AKAP19: variants seen among roughly 807,000 people sequenced by gnomAD.
The protein encoded by AKAP19 is small A-kinase anchoring protein.
chr2:190,114,783 A>G, the AKAP19 span, among the ~76,000 whole-genome samples: 3,166 of 152,152 alleles, frequency 0.021, 128 homozygotes, highest in African/African-American at 0.072. Context: ...GAGTAAATGT[A>G]TTTTCCTTCC....
chr2:189,903,055 T>A, the AKAP19 span, among the ~76,000 whole-genome samples: 2 of 151,958 alleles, frequency 1.3e-5, no homozygotes, highest in African/African-American at 4.8e-5. Flanking sequence ...TTTTTAAGTG[T>A]CTTCCCTATA....
chr2:189,996,040 T>C, the AKAP19 span, among the ~76,000 whole-genome samples: 1 of 152,214 alleles, frequency 6.6e-6, no homozygotes, highest in Admixed American at 6.5e-5. Context: ...CTTTCCTTCG[T>C]CTTGACTTTA....
the AKAP19 span, among the ~76,000 whole-genome samples, chr2:190,074,655 A>C: frequency 8.6e-5 from 13 of 151,724 alleles, no homozygotes; most frequent in African/African-American, 3.2e-4. Flanking sequence ...TTGTCTCAAA[A>C]AAAAAAAAGA....
the AKAP19 span, among the ~76,000 whole-genome samples, chr2:190,023,799 A>G: frequency 3.5e-3 from 75 of 21,198 alleles, 1 homozygote; most frequent in Middle Eastern, 0.028. Context: ...GTGTGTGTAT[A>G]TATATATATA....
chr2:190,126,505 C>G, the AKAP19 span, among the ~76,000 whole-genome samples: 1 of 151,814 alleles, frequency 6.6e-6, no homozygotes, highest in South Asian at 2.1e-4. Context: ...GATAAACCTA[C>G]AGAGTTTATT....
chr2:189,998,906 C>T, the AKAP19 span, among the ~76,000 whole-genome samples: 2 of 150,700 alleles, frequency 1.3e-5, no homozygotes, highest in Admixed American at 6.6e-5. Context: ...CAAGTAGCTG[C>T]GATTACAGGT....
chr2:190,191,742 T>TATA, the AKAP19 span, among the ~76,000 whole-genome samples: 1 of 152,232 alleles, frequency 6.6e-6, no homozygotes, highest in African/African-American at 2.4e-5. Context: ...TTCATGTACT[T>TATA]ATATTTGCTA....
the AKAP19 span, among the ~76,000 whole-genome samples, chr2:189,975,476 G>T: frequency 3.3e-5 from 5 of 151,994 alleles, no homozygotes; most frequent in African/African-American, 1.2e-4. Flanking sequence ...TGCTCTTCTC[G>T]AGGAGTATCT....
the AKAP19 span, among the ~76,000 whole-genome samples, chr2:190,047,386 T>C: frequency 6.6e-6 from 1 of 152,246 alleles, no homozygotes; most frequent in African/African-American, 2.4e-5. Flanking sequence ...CCTCTTTAAG[T>C]CGTTGTGAAC....
the AKAP19 span, among the ~76,000 whole-genome samples, chr2:190,075,685 A>G: frequency 6.6e-6 from 1 of 152,104 alleles, no homozygotes; most frequent in Non-Finnish European, 1.5e-5. Context: ...TTTATGTTGT[A>G]TCTTTTCCCA....
the AKAP19 span, among the ~76,000 whole-genome samples, chr2:190,084,716 G>A: frequency 6.6e-6 from 1 of 152,152 alleles, no homozygotes; most frequent in Non-Finnish European, 1.5e-5. Context: ...AAAACATACA[G>A]GAAGGGACAC....
the AKAP19 span, among the ~76,000 whole-genome samples, chr2:190,161,482 A>T: frequency 3.3e-4 from 50 of 152,090 alleles, 2 homozygotes; most frequent in Admixed American, 1.5e-3. Flanking sequence ...AAGTAAGTAG[A>T]CTCTAGGTAT....
chr2:190,159,258 T>C, the AKAP19 span, among the ~76,000 whole-genome samples: 1 of 152,202 alleles, frequency 6.6e-6, no homozygotes, highest in Non-Finnish European at 1.5e-5. Context: ...GTATTTGTTA[T>C]ATGGGCATGG....
chr2:189,975,057 T>A, the AKAP19 span, among the ~76,000 whole-genome samples: 1 of 152,354 alleles, frequency 6.6e-6, no homozygotes, highest in Non-Finnish European at 1.5e-5. Context: ...CGTTAGTAGA[T>A]GCAGTTTCTT....
chr2:190,177,123 T>G, the AKAP19 span, among the ~76,000 whole-genome samples: 1 of 152,146 alleles, frequency 6.6e-6, no homozygotes, highest in Non-Finnish European at 1.5e-5. The surrounding 1 kb of genome is among the most constrained non-coding windows in gnomAD (Gnocchi z 4.6). Flanking sequence ...CCCATAATGG[T>G]ATTTTTTTTC....
chr2:189,923,663 G>A, the AKAP19 span: 4 of 1,614,024 alleles, frequency 2.5e-6, no homozygotes, highest in South Asian at 4.4e-5. Flanking sequence ...CTCCTCTTTT[G>A]ACTTGGATTG....
At chr2:189,938,155 G>A in the AKAP19 span, among the ~76,000 whole-genome samples, 1 of 151,992 alleles carries the variant, frequency 6.6e-6, no homozygotes, top group African/African-American at 2.4e-5. Flanking sequence ...GGGCAACATG[G>A]TGAACCCCGT....
At chr2:189,975,881 C>T in the AKAP19 span, among the ~76,000 whole-genome samples, 1 of 152,126 alleles carries the variant, frequency 6.6e-6, no homozygotes, top group East Asian at 1.9e-4. Context: ...GTTAGCCATT[C>T]GTCTAATCTT....
At chr2:189,887,903 G>A in the AKAP19 span, among the ~76,000 whole-genome samples, 2 of 151,994 alleles carry the variant, frequency 1.3e-5, no homozygotes, top group Non-Finnish European at 2.9e-5. Context: ...CCATTGTGTA[G>A]GTTGCCTGTT....
Sources: gnomAD v4.1 joint callset for allele counts (sites outside exome capture counted in the v4.1 genomes callset) on GRCh38, gnomAD v4.1.1 for gene constraint, Gnocchi (gnomAD v3.1) non-coding constraint, MANE v1.5 for transcripts, NCBI Gene and HGNC (gene_info 2026-07-23, HGNC 2026-07-21) for gene names.